RAB3IP: variants seen among roughly 807,000 people sequenced by gnomAD.
RAB3IP encodes the protein rab-3A-interacting protein.
Under a neutral mutation model 59.1 loss-of-function variants are expected in RAB3IP, and 36 were observed. The ratio of observed to expected loss-of-function variants is 0.61; its 90% CI spans 0.47 to 0.80. The LOEUF (loss-of-function observed/expected upper bound fraction) is 0.80, where lower values mean the gene tolerates loss of function less well. RAB3IP is among the 30% of genes least tolerant of loss of function. RAB3IP has a pLI of 0.00. For synonymous variants in RAB3IP, 207 were observed against 191.2 expected (o/e 1.08, Z -0.68); for missense variants, 511 against 536.0 (o/e 0.95, Z 0.46).
rs1266640016 is a variant in RAB3IP at position 69,821,098 on chromosome 12, G to T, written c.*5652G>T. On this transcript the variant is annotated 3_prime_UTR_variant, in exon 11 of 11. Coordinates refer to ENST00000247833, the MANE Select transcript of RAB3IP (RefSeq NM_022456.5). Reference sequence around the variant, plus strand: ...GTTTACTTTTGGAGGAACGTCTGAGGTCATGAGGACTAGATTCTAGAGCTA... The same window carrying T: ...GTTTACTTTTGGAGGAACGTCTGAGTTCATGAGGACTAGATTCTAGAGCTA... The T allele has an allele frequency of 1.3e-5, 2 of 152,150 alleles. No homozygotes were observed. The highest frequency in any genetic ancestry group is 2.9e-5 in the Non-Finnish European group (2 of 68,038). The allele number at this position is 152,150 out of a possible 1,614,324, so 9.4% of individuals were successfully genotyped here. A position where few individuals can be genotyped will look rare whatever the true frequency, so the allele number is the denominator to read the frequency against.
intron 8 of RAB3IP, among the ~76,000 whole-genome samples, chr12:69,804,632 T>G (rs1878947549): frequency 6.6e-6 from 1 of 152,216 alleles, no homozygotes; most frequent in African/African-American, 2.4e-5. Flanking sequence ...GTTTTAGGTC[T>G]AACATTTAAG....
chr12:69,755,367 TTTTTG>T lies in RAB3IP; in HGVS notation c.-25-12_-25-8del. 3 of 1,592,920 alleles carry T rather than the reference TTTTTG, an allele frequency of 1.9e-6. No individual in the cohort carries two copies. The highest frequency in any genetic ancestry group is 2.6e-6 in the Non-Finnish European group (3 of 1,168,380). On this transcript the variant is annotated splice_polypyrimidine_tract_variant and intron_variant, in intron 1 of 10. Transcript: ENST00000247833. ...TTATTATCTAAAAATAAGTATCTGC[TTTTTG>T]TTTTAACATAGGTTATCTTATGATG...
intron 4 of RAB3IP, among the ~76,000 whole-genome samples, chr12:69,789,537 T>G (rs1565907543): frequency 6.6e-6 from 1 of 152,078 alleles, no homozygotes; most frequent in Non-Finnish European, 1.5e-5. Flanking sequence ...TGCCAATTCT[T>G]TTTACACTCT....
chr12:69,766,019 G>C (rs1176450332), intron 3 of RAB3IP, among the ~76,000 whole-genome samples: 3 of 152,206 alleles, frequency 2.0e-5, no homozygotes, highest in Non-Finnish European at 4.4e-5. Flanking sequence ...CCAAAGCCTG[G>C]TATGGCTCCA....
At chr12:69,743,761 C>T (rs969582413) in intron 1 of RAB3IP, among the ~76,000 whole-genome samples, 1 of 151,340 alleles carries the variant, frequency 6.6e-6, no homozygotes, top group Non-Finnish European at 1.5e-5. Flanking sequence ...GATACTCTCG[C>T]AAAGTATTTA....
chr12:69,740,388 C>T (rs1226412453), intron 1 of RAB3IP, among the ~76,000 whole-genome samples: 3 of 152,166 alleles, frequency 2.0e-5, no homozygotes, highest in Non-Finnish European at 4.4e-5. Context: ...GTGATCTAAT[C>T]CTAAAGCCCT....
intron 3 of RAB3IP, among the ~76,000 whole-genome samples, chr12:69,778,446 T>A (rs368852166): frequency 7.0e-6 from 1 of 143,194 alleles, no homozygotes; most frequent in Non-Finnish European, 1.5e-5. Context: ...AGCTTTGTTC[T>A]GTTGCTGGTG....
chr12:69,782,110 G>A (rs535563298), intron 3 of RAB3IP, among the ~76,000 whole-genome samples: 48 of 152,138 alleles, frequency 3.2e-4, no homozygotes, highest in Non-Finnish European at 6.2e-4. Flanking sequence ...CCACTAACTC[G>A]TGTTCTGAGT....
At chr12:69,812,717 A>G in intron 8 of RAB3IP, 61 bp from the exon 9 acceptor site, 2 of 1,118,088 alleles carry the variant, frequency 1.8e-6, no homozygotes, top group East Asian at 4.7e-5. Context: ...GGCAACTTGT[A>G]CAGAAGGTAG....
intron 3 of RAB3IP, among the ~76,000 whole-genome samples, chr12:69,775,317 G>A (rs1414587617): frequency 7.2e-6 from 1 of 139,118 alleles, no homozygotes; most frequent in Non-Finnish European, 1.5e-5. Context: ...TTTGGGCTGA[G>A]ACGATGGTGT....
chr12:69,773,503 T>C (rs1431672603), intron 3 of RAB3IP, among the ~76,000 whole-genome samples: 1 of 137,604 alleles, frequency 7.3e-6, no homozygotes, highest in Non-Finnish European at 1.6e-5. Context: ...GCTGGTGTGC[T>C]GCACCCACTA....
At chr12:69,752,652 T>C in intron 1 of RAB3IP, among the ~76,000 whole-genome samples, 1 of 152,212 alleles carries the variant, frequency 6.6e-6, no homozygotes, top group East Asian at 1.9e-4. Context: ...ATTTTGTATT[T>C]CCAGAAATGC....
intron 6 of RAB3IP, 28 bp downstream of exon 6, chr12:69,795,372 A>G: frequency 6.4e-7 from 1 of 1,558,570 alleles, no homozygotes; most frequent in Non-Finnish European, 8.8e-7. Context: ...GTCCCCTCTG[A>G]CTCTGTTGAT....
At chr12:69,806,732 C>T (rs577664361) in intron 8 of RAB3IP, among the ~76,000 whole-genome samples, 36 of 152,104 alleles carry the variant, frequency 2.4e-4, no homozygotes, top group East Asian at 1.5e-3. Context: ...TGTGGCCTTC[C>T]GCAGTGTTTG....
At chr12:69,807,501 C>T (rs538159406) in intron 8 of RAB3IP, among the ~76,000 whole-genome samples, 239 of 139,882 alleles carry the variant, frequency 1.7e-3, no homozygotes, top group Non-Finnish European at 2.3e-3. Context: ...AGACGACGGG[C>T]GGCCGGGCAG....
In RAB3IP at chr12:69,812,993, C is replaced by T; in HGVS notation, c.1260C>T (p.Tyr420=). 1.2e-6 allele frequency: 2 copies of T among 1,613,498 alleles called. No individual in the cohort carries two copies. Among genetic ancestry groups the T allele is most frequent in the Non-Finnish European group, 1.7e-6 (2 of 1,179,530 alleles). ...RITSVCNFFT[Y]IRYIQQGLVK... is the part of the protein sequence containing the mutation. ...CTTCTGTATGTAACTTTTTTACATA[C>T]ATTCGATACATTCAGCAGGGACTCG... Residue 420 remains tyrosine, a synonymous_variant, in exon 10 of 11, where the codon TAC becomes TAT. Coordinates refer to ENST00000247833, the MANE Select transcript of RAB3IP (RefSeq NM_022456.5).
chr12:69,817,124 TA>T lies in RAB3IP; in HGVS notation c.*1679del, dbSNP rs1451061025. ...TAAAAAGAGAAACAAATCCAGGAGA[TA>T]CTGTACGGTTTGAAAGAAAGGTAAT... On this transcript the variant is annotated 3_prime_UTR_variant, in exon 11 of 11. Coordinates refer to ENST00000247833, the MANE Select transcript of RAB3IP (RefSeq NM_022456.5). 1.3e-5 allele frequency: 2 copies of T among 152,182 alleles called. No individual in the cohort carries two copies. The highest frequency in any genetic ancestry group is 2.9e-5 in the Non-Finnish European group (2 of 68,028). 9.4% of individuals were successfully genotyped at this position (152,182 alleles called of 1,614,324 possible). A position where few individuals can be genotyped will look rare whatever the true frequency, so the allele number is the denominator to read the frequency against.
Position 69,815,290 on chromosome 12 carries a change from G to A in RAB3IP, c.1301-74G>A, listed in dbSNP as rs1022377793. ...ATGCACAATTGACATTTCAGCTAAG[G>A]TTTTCAGCGAAACATTAAAAATAAT... is the stretch of plus-strand genomic sequence containing the variant. On this transcript the variant is annotated intron_variant, in intron 10 of 10. Transcript: ENST00000247833. The A allele has an allele frequency of 9.2e-6, 10 of 1,083,832 alleles. No homozygotes were observed. In the African/African-American group the frequency reaches 1.1e-4, roughly 12 times the overall value. The allele number at this position is 1,083,832 out of a possible 1,614,324, so 67.1% of individuals were successfully genotyped here. A position where few individuals can be genotyped will look rare whatever the true frequency, so the allele number is the denominator to read the frequency against.
chr12:69,800,076 A>G (rs551110141), intron 6 of RAB3IP, 133 bp from the exon 7 acceptor site: 36 of 586,906 alleles, frequency 6.1e-5, no homozygotes, highest in African/African-American at 5.8e-4. Flanking sequence ...TGAACCACCA[A>G]GAGTGGTTCA....
Sources: allele counts gnomAD v4.1 joint callset (sites outside exome capture counted in the v4.1 genomes callset), GRCh38; gene constraint gnomAD v4.1.1; transcripts MANE v1.5; gene names NCBI Gene and HGNC (gene_info 2026-07-23, HGNC 2026-07-21).